NUP205: variants seen among roughly 807,000 people sequenced by gnomAD.
NUP205 encodes nuclear pore complex protein Nup205.
NUP205 carries 76 observed loss-of-function variants against 253.8 expected under a neutral mutation model. That is an observed-to-expected ratio of 0.30 (90% CI 0.25 to 0.36). The LOEUF (loss-of-function observed/expected upper bound fraction) is 0.36. Among genes scored for constraint, NUP205 ranks in the 10% least tolerant of loss-of-function variants. The pLI, the probability that NUP205 is intolerant of heterozygous loss-of-function variation, is 1.00. For missense variants in NUP205, 2,162 were observed against 2,425.5 expected (o/e 0.89, Z 2.28); for synonymous variants, 832 against 850.1 (o/e 0.98, Z 0.37).
chr7:135,627,103 C>G (rs1303400015), intron 33 of NUP205, among the ~76,000 whole-genome samples: 2 of 152,114 alleles, frequency 1.3e-5, no homozygotes, highest in African/African-American at 4.8e-5. Context: ...GTTAAATACT[C>G]TTTAGTTCAT....
intron 13 of NUP205, among the ~76,000 whole-genome samples, chr7:135,596,767 T>C (rs1199403931): frequency 3.3e-5 from 5 of 151,004 alleles, no homozygotes; most frequent in African/African-American, 1.2e-4. Flanking sequence ...CTGGCCAACA[T>C]GGTGAAACCT....
At chr7:135,603,994 C>CTG (rs1385284794) in intron 18 of NUP205, among the ~76,000 whole-genome samples, 1 of 152,108 alleles carries the variant, frequency 6.6e-6, no homozygotes, top group Non-Finnish European at 1.5e-5. Context: ...GGCAGTTTCC[C>CTG]TGTGTGTGTG....
At chr7:135,637,569 T>C (rs1442131479) in intron 36 of NUP205, among the ~76,000 whole-genome samples, 3 of 152,234 alleles carry the variant, frequency 2.0e-5, no homozygotes. Flanking sequence ...ATCTTGTGAC[T>C]GCCCTCTCAT....
chr7:135,589,150 A>G (rs1806552989), intron 10 of NUP205, among the ~76,000 whole-genome samples: 1 of 149,802 alleles, frequency 6.7e-6, no homozygotes, highest in African/African-American at 2.5e-5. Flanking sequence ...AGCCTAGGCA[A>G]CAGAGTGAGA....
chr7:135,586,297 A>G (rs1806462075), intron 8 of NUP205, among the ~76,000 whole-genome samples: 1 of 152,006 alleles, frequency 6.6e-6, no homozygotes, highest in Non-Finnish European at 1.5e-5. Context: ...AATTCCTAAA[A>G]TTGGTAATTT....
intron 7 of NUP205, among the ~76,000 whole-genome samples, chr7:135,582,014 A>C (rs1489259556): frequency 6.6e-6 from 1 of 152,110 alleles, no homozygotes; most frequent in Non-Finnish European, 1.5e-5. Flanking sequence ...GGCTGGGCAT[A>C]GTGGCTCATG....
At chr7:135,561,584 C>T (rs1229799021) in intron 1 of NUP205, among the ~76,000 whole-genome samples, 1 of 152,198 alleles carries the variant, frequency 6.6e-6, no homozygotes, top group African/African-American at 2.4e-5. Flanking sequence ...TAACTAAACC[C>T]TCAGACTTCT....
At chr7:135,631,162 T>C (rs1231739748) in intron 35 of NUP205, among the ~76,000 whole-genome samples, 1 of 152,118 alleles carries the variant, frequency 6.6e-6, no homozygotes, top group African/African-American at 2.4e-5. Flanking sequence ...TTACATGCTG[T>C]TTTAAAAAAC....
At chr7:135,643,788 G>A (rs1164961142) in intron 39 of NUP205, among the ~76,000 whole-genome samples, 1 of 152,164 alleles carries the variant, frequency 6.6e-6, no homozygotes, top group Non-Finnish European at 1.5e-5. Context: ...TGACCCAGAA[G>A]CATTCCCTCT....
intron 17 of NUP205, among the ~76,000 whole-genome samples, chr7:135,602,476 C>T (rs1472111775): frequency 1.3e-5 from 2 of 152,170 alleles, no homozygotes; most frequent in African/African-American, 4.8e-5. Flanking sequence ...CAAATGTGCC[C>T]TGGGGCTCAG....
chr7:135,580,294 A>G (rs539476543), intron 7 of NUP205, among the ~76,000 whole-genome samples: 3 of 152,142 alleles, frequency 2.0e-5, no homozygotes, highest in Admixed American at 2.0e-4. Flanking sequence ...GTTAATTTCT[A>G]TCTGTCTGTC....
chr7:135,602,031 C>T (rs774932171), intron 17 of NUP205, among the ~76,000 whole-genome samples: 9 of 152,262 alleles, frequency 5.9e-5, no homozygotes, highest in African/African-American at 1.2e-4. Flanking sequence ...TGAAATACAA[C>T]GAAGTTATAC....
chr7:135,584,692 T>C (rs897306248), intron 7 of NUP205, 140 bp from the exon 8 acceptor site: 9 of 703,540 alleles, frequency 1.3e-5, no homozygotes, highest in African/African-American at 1.1e-4. Context: ...ATTACAGTTA[T>C]ATATAGTCTC....
intron 35 of NUP205, among the ~76,000 whole-genome samples, chr7:135,632,997 C>T (rs1794743278): frequency 6.6e-6 from 1 of 152,048 alleles, no homozygotes; most frequent in Admixed American, 6.6e-5. Context: ...CAGGGTCTCA[C>T]TCTTGTCACC....
chr7:135,643,136 A>G lies in NUP205; in HGVS notation c.5393-56A>G, dbSNP rs1584694676. ...CCTTGTTTTAAAACAGGTCATTTGA[A>G]ATTCATATGAAATGCTTATAAGTGG... On this transcript the variant is annotated intron_variant, in intron 38 of 42. Transcript: ENST00000285968. The G allele has an allele frequency of 1.4e-5, 22 of 1,518,994 alleles. No individual in the cohort carries two copies. The East Asian group carries it at 5.0e-4, about 35-fold the overall frequency. The allele number at this position is 1,518,994 out of a possible 1,614,324, so 94.1% of individuals were successfully genotyped here.
At chr7:135,593,583 T>C (rs894599048) in intron 12 of NUP205, among the ~76,000 whole-genome samples, 3 of 152,228 alleles carry the variant, frequency 2.0e-5, no homozygotes, top group Non-Finnish European at 4.4e-5. Flanking sequence ...TCTCTCCTTA[T>C]ACCAAACCAT....
Position 135,638,657 on chromosome 7 carries a change from C to T in NUP205, c.5366C>T (p.Thr1789Ile). 1 of 1,614,108 alleles carries T rather than the reference C, an allele frequency of 6.2e-7. No individual in the cohort carries two copies. The highest frequency in any genetic ancestry group is 8.5e-7 in the Non-Finnish European group (1 of 1,180,014). The part of the protein sequence containing the change: ...VCLFTPSLSE[T>I]VNRDGPRQDT... ...CTCTTCACTCCTAGCCTTTCAGAAA[C>T]AGTTAATAGAGATGGACCGCGGCAA... Residue 1789 changes from threonine to isoleucine, a missense_variant, in exon 38 of 43, where the codon ACA becomes ATA. By Grantham distance (89) the Thr-to-Ile change is moderately conservative. Transcript: ENST00000285968.
intron 20 of NUP205, 143 bp from the exon 21 acceptor site, chr7:135,606,604 TTAAA>T (rs1442700801): frequency 1.2e-5 from 8 of 651,244 alleles, no homozygotes; most frequent in African/African-American, 5.5e-5. Context: ...GGATTCCACT[TTAAA>T]TAAATCTGAA....
rs1391630135 is a variant in NUP205, at chr7:135,598,271, A to G, written c.2274+64A>G. The G allele has an allele frequency of 7.3e-6, 10 of 1,373,140 alleles. No homozygotes were observed. In the Admixed American group the frequency reaches 9.5e-5, roughly 13 times the overall value. 85.1% of individuals were successfully genotyped at this position (1,373,140 alleles called of 1,614,324 possible). On this transcript the variant is annotated intron_variant, in intron 15 of 42. Coordinates refer to ENST00000285968, the MANE Select transcript of NUP205 (RefSeq NM_015135.3). The stretch of plus-strand genomic sequence containing the variant: ...TACTGCTTTTTCTTTTATCAAAAGT[A>G]TATGGTGCTAAATTCATGTTAGCTT...
Sources: gnomAD v4.1 joint callset for allele counts (sites outside exome capture counted in the v4.1 genomes callset) on GRCh38, gnomAD v4.1.1 for gene constraint, MANE v1.5 for transcripts, NCBI Gene and HGNC (gene_info 2026-07-23, HGNC 2026-07-21) for gene names.